The following ADGRB1 variants were observed in gnomAD, a reference collection of about 807,000 sequenced individuals.
The protein encoded by ADGRB1 is adhesion G protein-coupled receptor B1.
Under a neutral mutation model 175.7 loss-of-function variants are expected in ADGRB1, and 36 were observed. That is an observed-to-expected ratio of 0.20 (90% CI 0.16 to 0.27). ADGRB1 has a LOEUF of 0.27. Ranked by LOEUF, ADGRB1 falls within the 10% of genes least tolerant of loss-of-function variation. The probability of loss-of-function intolerance (pLI) is 1.00; values close to 1 mark genes in which losing one functional copy is unlikely to be tolerated. For synonymous variants in ADGRB1, 1,054 were observed against 979.4 expected (o/e 1.08, Z -1.42); for missense variants, 1,731 against 2,255.3 (o/e 0.77, Z 4.71).
chr8:142,529,556 G>A (rs1322108264), intron 24 of ADGRB1, among the ~76,000 whole-genome samples: 1 of 151,390 alleles, frequency 6.6e-6, no homozygotes, highest in East Asian at 1.9e-4. Flanking sequence ...ATGCATCTAT[G>A]TGTGTGAGTG....
At chr8:142,487,760 C>T (rs2131865169) in intron 13 of ADGRB1, among the ~76,000 whole-genome samples, 1 of 152,346 alleles carries the variant, frequency 6.6e-6, no homozygotes, top group South Asian at 2.1e-4. Context: ...ATCCCCATGC[C>T]CATCCACCCT....
intron 17 of ADGRB1, among the ~76,000 whole-genome samples, chr8:142,508,797 G>A (rs536901378): frequency 6.6e-6 from 1 of 152,338 alleles, no homozygotes; most frequent in South Asian, 2.1e-4. Flanking sequence ...TTCCTTTTAC[G>A]GAGGATGCTG....
intron 19 of ADGRB1, 86 bp from the exon 20 acceptor site, chr8:142,520,737 C>G: frequency 8.5e-7 from 1 of 1,178,646 alleles, no homozygotes; most frequent in Non-Finnish European, 1.3e-6. Flanking sequence ...TGGGGTGGGG[C>G]TCTGGTCTTG....
At chr8:142,479,527 T>C in intron 8 of ADGRB1, 40 bp downstream of exon 8, 1 of 1,519,968 alleles carries the variant, frequency 6.6e-7, no homozygotes, top group Non-Finnish European at 8.8e-7. Context: ...TGGGGAGGGC[T>C]GATGGCGATT....
Position 142,464,205 on chromosome 8 carries a change from G to C in ADGRB1, c.7G>C (p.Gly3Arg). Residue 3 changes from glycine (G) to arginine (R), a missense_variant, in exon 2 of 31, where the codon GGC (glycine) becomes CGC (arginine). By Grantham distance (125) the Gly-to-Arg change is moderately radical. Coordinates refer to ENST00000517894, the MANE Select transcript of ADGRB1 (RefSeq NM_001702.3). Reference protein sequence around the residue: MRGQAAAPGPVWI... With the variant: MRRQAAAPGPVWI... The stretch of plus-strand genomic sequence containing the variant: ...GGCGGCCCCGCGAGCTAGGATGAGG[G>C]GCCAGGCCGCCGCCCCGGGCCCCGT... The C allele has an allele frequency of 7.8e-7, 1 of 1,286,672 alleles. No individual in the cohort carries two copies. 79.7% of individuals were successfully genotyped at this position (1,286,672 alleles called of 1,614,324 possible). A position where few individuals can be genotyped will look rare whatever the true frequency, so the allele number is the denominator to read the frequency against.
chr8:142,485,087 G>T (rs1841595729), intron 13 of ADGRB1, among the ~76,000 whole-genome samples: 1 of 152,210 alleles, frequency 6.6e-6, no homozygotes, highest in Admixed American at 6.5e-5. Flanking sequence ...AGAGGCAGGG[G>T]CTGTGCAAGC....
chr8:142,505,988 C>G (rs980501652), intron 17 of ADGRB1, among the ~76,000 whole-genome samples: 2 of 152,164 alleles, frequency 1.3e-5, no homozygotes, highest in Non-Finnish European at 2.9e-5. Flanking sequence ...TTCATTCACG[C>G]GCAGGCGTCC....
At chr8:142,483,796 T>G (rs1841515897) in intron 11 of ADGRB1, among the ~76,000 whole-genome samples, 181 bp from the exon 12 acceptor site, 1 of 137,250 alleles carries the variant, frequency 7.3e-6, no homozygotes, top group Non-Finnish European at 1.6e-5. Flanking sequence ...CGATCCTGGT[T>G]ACACACTGAA....
chr8:142,499,825 G>A (rs1458613573), intron 17 of ADGRB1, among the ~76,000 whole-genome samples: 4 of 152,228 alleles, frequency 2.6e-5, no homozygotes, highest in East Asian at 3.9e-4. Flanking sequence ...GTGCCTGCTC[G>A]GTGCCGGGCC....
chr8:142,457,496 C>T (rs1295101288), intron 1 of ADGRB1, among the ~76,000 whole-genome samples: 1 of 152,124 alleles, frequency 6.6e-6, no homozygotes, highest in East Asian at 1.9e-4. Flanking sequence ...CTGGGCCTGG[C>T]AGGCTCTGTG....
chr8:142,513,501 TG>T (rs1277104788), intron 18 of ADGRB1, among the ~76,000 whole-genome samples: 3 of 152,076 alleles, frequency 2.0e-5, no homozygotes, highest in African/African-American at 7.2e-5. Context: ...GACTGCTCTC[TG>T]GGTGCAGCCT....
In ADGRB1 at chr8:142,492,079, C is replaced by A. The variant is rs970890933; in HGVS notation, c.2675+1264C>A. ...TCTCCACCTACCCACCACCCATCCA[C>A]CCTCTCCTCTGTCTGCCTGTTCTTT... On this transcript the variant is annotated intron_variant, in intron 17 of 30. Transcript: ENST00000517894. This position sits in a 1 kb window ranked among gnomAD's most constrained non-coding sequence, Gnocchi z 4.4. 5.3e-5 allele frequency among the ~76,000 whole-genome samples: 8 copies of A among 151,848 alleles called. No homozygotes were observed. Among genetic ancestry groups the A allele is most frequent in the Admixed American group, 5.2e-4 (8 of 15,248 alleles).
At chr8:142,489,152 G>C in intron 15 of ADGRB1, 42 bp downstream of exon 15, 1 of 1,569,058 alleles carries the variant, frequency 6.4e-7, no homozygotes, top group East Asian at 2.3e-5. Context: ...TGCAGGGCAG[G>C]TGGGGTGGGC....
intron 2 of ADGRB1, among the ~76,000 whole-genome samples, chr8:142,470,411 CTA>C (rs1338543483): frequency 6.6e-6 from 1 of 151,924 alleles, no homozygotes; most frequent in Non-Finnish European, 1.5e-5. Flanking sequence ...GTGTGTGTCC[CTA>C]TGTGTCCCCG....
intron 9 of ADGRB1, 58 bp downstream of exon 9, chr8:142,479,852 C>T (rs1224858153): frequency 2.7e-6 from 4 of 1,503,436 alleles, no homozygotes; most frequent in Non-Finnish European, 3.6e-6. Flanking sequence ...CACGGTGATG[C>T]CCACGCTGAG....
intron 25 of ADGRB1, among the ~76,000 whole-genome samples, chr8:142,536,400 G>C (rs1051662263): frequency 6.6e-6 from 1 of 152,168 alleles, no homozygotes; most frequent in East Asian, 1.9e-4. Flanking sequence ...GCTGGCCGCT[G>C]GTCTTCCCCT....
At chr8:142,518,046 G>A (rs966866807) in intron 18 of ADGRB1, 92 bp from the exon 19 acceptor site, 66 of 1,247,276 alleles carry the variant, frequency 5.3e-5, no homozygotes, top group East Asian at 7.1e-5. Flanking sequence ...GGTGTGACCC[G>A]GGGCTGCGGG....
intron 27 of ADGRB1, chr8:142,539,787 C>A (rs1005305972): frequency 1.8e-5 from 6 of 342,624 alleles, no homozygotes; most frequent in Non-Finnish European, 3.3e-5. Flanking sequence ...GCCGCTCCCC[C>A]CCCCTGCCTC....
intron 2 of ADGRB1, among the ~76,000 whole-genome samples, chr8:142,469,346 G>C (rs1294938230): frequency 1.4e-5 from 2 of 144,682 alleles, no homozygotes; most frequent in African/African-American, 5.1e-5. Context: ...TGTGAATGTG[G>C]GAGTGTCTAT....
Sources: allele counts gnomAD v4.1 joint callset (sites outside exome capture counted in the v4.1 genomes callset), GRCh38; gene constraint gnomAD v4.1.1; non-coding constraint Gnocchi (gnomAD v3.1); transcripts MANE v1.5; gene names NCBI Gene and HGNC (gene_info 2026-07-23, HGNC 2026-07-21).